Variants in LCN1 observed in about 807,000 individuals in gnomAD.
LCN1 encodes the protein lipocalin-1.
Under a neutral mutation model 22.3 loss-of-function variants are expected in LCN1, and 25 were observed. That is an observed-to-expected ratio of 1.12 (90% CI 0.82 to 1.56). LCN1 has a LOEUF of 1.56. LCN1 is among the 40% of genes most tolerant of loss of function. LCN1 has a pLI of 0.00. For synonymous variants in LCN1, 85 were observed against 97.6 expected (o/e 0.87, Z 0.76); for missense variants, 219 against 235.6 (o/e 0.93, Z 0.46).
intron 1 of LCN1, 51 bp from the exon 2 acceptor site, chr9:135,521,996 G>C (rs1443560039): frequency 6.3e-7 from 1 of 1,578,318 alleles, no homozygotes; most frequent in East Asian, 2.3e-5. Context: ...CAGGGAAGGG[G>C]GAGGCTCTGG....
intron 3 of LCN1, 50 bp downstream of exon 3, chr9:135,523,352 G>A (rs749815492): frequency 9.6e-6 from 15 of 1,558,628 alleles, no homozygotes; most frequent in Non-Finnish European, 1.2e-5. Context: ...CACGCTGGAT[G>A]TGCGGGGGCA....
At position 135,523,865 on chromosome 9, in the gene LCN1, GCTGT is replaced by G; in HGVS notation, c.293-12_293-9del. On this transcript the variant is annotated splice_polypyrimidine_tract_variant and intron_variant, in intron 3 of 6. Coordinates refer to ENST00000371781, the MANE Select transcript of LCN1 (RefSeq NM_002297.4). ...CTGGTGGCTAATTCAGGAATGTGCTGCTGTCTTTCTGCAGACGGGGGCAAGCACG... is the reference window on the plus strand; with the variant it reads ...CTGGTGGCTAATTCAGGAATGTGCTGCTTTCTGCAGACGGGGGCAAGCACG... The G allele has an allele frequency of 6.2e-7, 1 of 1,609,350 alleles. No homozygotes were observed. Among genetic ancestry groups the G allele is most frequent in the Non-Finnish European group, 8.5e-7 (1 of 1,175,778 alleles).
chr9:135,525,255 C>A (rs1450499733), intron 6 of LCN1, 97 bp downstream of exon 6: 2 of 1,240,590 alleles, frequency 1.6e-6, no homozygotes, highest in Non-Finnish European at 1.1e-6. Context: ...CATCCCACTC[C>A]TACCTGGGTG....
chr9:135,522,438 G>A (rs1337387713), intron 2 of LCN1, among the ~76,000 whole-genome samples: 17 of 152,264 alleles, frequency 1.1e-4, no homozygotes, highest in African/African-American at 4.1e-4. Context: ...TCCGACTAGG[G>A]AATGTCTGGT....
At chr9:135,526,265 G>A (rs1443617636) in intron 6 of LCN1, 79 bp from the exon 7 acceptor site, 4 of 386,508 alleles carry the variant, frequency 1.0e-5, no homozygotes, top group East Asian at 2.5e-4. Context: ...CAGCACCCAA[G>A]AGCCCACATG....
Position 135,526,334 on chromosome 9 carries a change from C to A in LCN1, c.*2-10C>A, listed in dbSNP as rs545561308. 5.9e-5 allele frequency: 74 copies of A among 1,249,322 alleles called. No individual in the cohort carries two copies. Among genetic ancestry groups the A allele is most frequent in the South Asian group, 2.6e-4 (20 of 75,798 alleles). 77.4% of individuals were successfully genotyped at this position (1,249,322 alleles called of 1,614,324 possible). On this transcript the variant is annotated splice_polypyrimidine_tract_variant and intron_variant, in intron 6 of 6. Transcript: ENST00000371781. ...TGTCCTGGCCTCACTCACCCTCCCC[C>A]CCTTTCCAGGGCAGGGGACACCTTG...
rs932603281 is a variant in LCN1 at position 135,522,293 on chromosome 9, C to T, written c.221+116C>T. On this transcript the variant is annotated intron_variant, in intron 2 of 6. Transcript: ENST00000371781. ...GGCAGACCTGCTGGGAGGCCTCTCT[C>T]GGCCCCTCCTGCAATGCTTGAGGGC... 33 of 1,429,668 alleles carry T rather than the reference C, an allele frequency of 2.3e-5. No individual in the cohort carries two copies. In the African/African-American group the frequency reaches 3.0e-4, roughly 13 times the overall value. The allele number at this position is 1,429,668 out of a possible 1,614,324, so 88.6% of individuals were successfully genotyped here.
Position 135,523,214 on chromosome 9 carries a change from G to C in LCN1, c.222-18G>C. ...GCACAGGCCAGGGCCGCTTTGCCAG[G>C]GGGCTTCTGTTTTCCAGGATAAGTG... is the stretch of plus-strand genomic sequence containing the variant. On this transcript the variant is annotated intron_variant, in intron 2 of 6. Transcript: ENST00000371781. 6.2e-7 allele frequency: 1 copy of C among 1,610,058 alleles called. No homozygotes were observed.
chr9:135,523,354 G>T (rs755364188), intron 3 of LCN1, 52 bp downstream of exon 3: 25 of 1,551,938 alleles, frequency 1.6e-5, no homozygotes, highest in African/African-American at 1.5e-4. Flanking sequence ...CGCTGGATGT[G>T]CGGGGGCAGC....
rs371163348 is a variant in LCN1, at chr9:135,522,035, G to A, written c.91-12G>A. ...AGTCGGCCTGAGCCTGATAGAGAGG[G>A]GCCTTCTCCAGGTGTCAGGGACGTG... On this transcript the variant is annotated splice_polypyrimidine_tract_variant and intron_variant, in intron 1 of 6. Coordinates refer to ENST00000371781, the MANE Select transcript of LCN1 (RefSeq NM_002297.4). 63 of 1,590,832 alleles carry A rather than the reference G, an allele frequency of 4.0e-5. No homozygotes were observed. In the African/African-American group the frequency reaches 7.1e-4, roughly 18 times the overall value.
chr9:135,521,734 C>T, intron 1 of LCN1, 147 bp downstream of exon 1: 1 of 749,052 alleles, frequency 1.3e-6, no homozygotes, highest in Non-Finnish European at 2.2e-6. Flanking sequence ...TGGGATGGGG[C>T]AGCAGGGGTC....
At position 135,521,474 on chromosome 9, in the gene LCN1, C is replaced by A. The variant is rs1256055708; in HGVS notation, c.-24C>A. On this transcript the variant is annotated 5_prime_UTR_variant, in exon 1 of 7. Coordinates refer to ENST00000371781, the MANE Select transcript of LCN1 (RefSeq NM_002297.4). ...CAGCCCCAGCAAGCGACCTGTCAGG[C>A]GGCCGTGGACTCAGACTCCGGAGAT... 1.2e-6 allele frequency: 2 copies of A among 1,603,442 alleles called. No homozygotes were observed. The highest frequency in any genetic ancestry group is 3.3e-5 in the Admixed American group (2 of 59,848).
Position 135,521,576 on chromosome 9 carries a change from G to C in LCN1, c.79G>C (p.Glu27Gln). 1 of 1,612,894 alleles carries C rather than the reference G, an allele frequency of 6.2e-7. No individual in the cohort carries two copies. The highest frequency in any genetic ancestry group is 8.5e-7 in the Non-Finnish European group (1 of 1,179,602). The change falls in exon 1 of 7, where the codon GAG (glutamate) becomes CAG (glutamine). Residue 27 changes from glutamate to glutamine, a missense_variant. Transcript: ENST00000371781. ...CCACCACCTCCTGGCCTCAGACGAG[G>C]AGATTCAGGATGTGAGGCCCGGATG... ...QAHHLLASDE[E>Q]IQDVSGTWYL...
chr9:135,521,962 C>T (rs1258774614), intron 1 of LCN1, 85 bp from the exon 2 acceptor site: 15 of 1,536,696 alleles, frequency 9.8e-6, no homozygotes, highest in Admixed American at 4.0e-5. Context: ...CCTCGGGGTG[C>T]GGTAGAGTCT....
chr9:135,521,554 C>G lies in LCN1; in HGVS notation c.57C>G (p.His19Gln). The change falls in exon 1 of 7, where the codon CAC (histidine) becomes CAG (glutamine). Residue 19 changes from histidine to glutamine, a missense_variant. Coordinates refer to ENST00000371781, the MANE Select transcript of LCN1 (RefSeq NM_002297.4). ...GCCTCATTGCTGCCCTGCAGGCCCA[C>G]CACCTCCTGGCCTCAGACGAGGAGA... is the stretch of plus-strand genomic sequence containing the variant. ...SLGLIAALQAHHLLASDEEIQ... is the reference protein window; with the variant it reads ...SLGLIAALQAQHLLASDEEIQ... 6.2e-7 allele frequency: 1 copy of G among 1,613,586 alleles called. No homozygotes were observed. Among genetic ancestry groups the G allele is most frequent in the Non-Finnish European group, 8.5e-7 (1 of 1,179,934 alleles).
intron 1 of LCN1, 61 bp downstream of exon 1, chr9:135,521,648 GAGACCCCAT>G: frequency 7.2e-7 from 1 of 1,396,936 alleles, no homozygotes; most frequent in South Asian, 1.2e-5. Context: ...AGACTGGATG[GAGACCCCAT>G]GCCTCCTCCA....
Position 135,524,878 on chromosome 9 carries a change from C to T in LCN1, c.452C>T (p.Ala151Val). ...NLEALEDFEK[A>V]AGARGLSTES... Reference sequence around the variant, plus strand: ...GAAGCCTTGGAGGACTTTGAGAAAGCCGCAGGAGCCCGCGGACTCAGCACG... The same window carrying T: ...GAAGCCTTGGAGGACTTTGAGAAAGTCGCAGGAGCCCGCGGACTCAGCACG... Residue 151 changes from alanine to valine, a missense_variant, in exon 5 of 7, where the codon GCC (alanine) becomes GTC (valine). Coordinates refer to ENST00000371781, the MANE Select transcript of LCN1 (RefSeq NM_002297.4). 6.2e-7 allele frequency: 1 copy of T among 1,607,978 alleles called. No homozygotes were observed. The highest frequency in any genetic ancestry group is 1.7e-5 in the Admixed American group (1 of 59,386).
chr9:135,521,942 C>G, intron 1 of LCN1, 105 bp from the exon 2 acceptor site: 1 of 1,497,930 alleles, frequency 6.7e-7, no homozygotes, highest in Non-Finnish European at 9.0e-7. Flanking sequence ...GAACGTTCCC[C>G]GTTTCCAGCC....
Position 135,524,819 on chromosome 9 carries a change from G to GA in LCN1, c.404-11_404-10insA. 1.9e-6 allele frequency: 3 copies of GA among 1,591,624 alleles called. No homozygotes were observed. In the South Asian group the frequency reaches 3.4e-5, roughly 18 times the overall value. On this transcript the variant is annotated splice_polypyrimidine_tract_variant and intron_variant, in intron 4 of 6. Transcript: ENST00000371781. ...GCCTCGAGCACCCACATCTCGTCCT[G>GA]GCACCCACAGGCAGAGACCCCAAGA...
Sources: allele counts gnomAD v4.1 joint callset (sites outside exome capture counted in the v4.1 genomes callset), GRCh38; gene constraint gnomAD v4.1.1; transcripts MANE v1.5; gene names NCBI Gene and HGNC (gene_info 2026-07-23, HGNC 2026-07-21).